GP9: variants seen among roughly 807,000 people sequenced by gnomAD.
GP9 encodes the protein glycoprotein IX platelet, also known as platelet glycoprotein IX.
For synonymous variants in GP9, 116 were observed against 116.7 expected (o/e 0.99, Z 0.04); for missense variants, 228 against 241.8 (o/e 0.94, Z 0.38).
rs765287859 is a variant in GP9, at chr3:129,062,074, G to T, written c.335G>T (p.Arg112Leu). The T allele has an allele frequency of 1.9e-6, 3 of 1,610,206 alleles. No individual in the cohort carries two copies. Among genetic ancestry groups the T allele is most frequent in the African/African-American group, 2.7e-5 (2 of 74,906 alleles). Reference protein sequence around the residue: ...DRTPEALLQVRCASPSLAAHG... With the variant: ...DRTPEALLQVLCASPSLAAHG... ...ACGCCCGAGGCCCTGCTGCAGGTCC[G>T]CTGTGCCAGCCCCAGCCTCGCTGCC... The change falls in exon 3 of 3, where the codon CGC becomes CTC. Residue 112 changes from arginine to leucine, a missense_variant. Physicochemically the swap from Arg to Leu is moderately radical, Grantham distance 102. Coordinates refer to ENST00000307395, the MANE Select transcript of GP9 (RefSeq NM_000174.5).
upstream of GP9, among the ~76,000 whole-genome samples, chr3:129,059,169 C>A (rs1946548970): frequency 6.6e-6 from 1 of 152,200 alleles, no homozygotes; most frequent in Non-Finnish European, 1.5e-5. Context: ...TAATTTCCCA[C>A]AACAAAAATC....
upstream of GP9, among the ~76,000 whole-genome samples, chr3:129,060,441 T>C (rs1946561641): frequency 6.6e-6 from 1 of 152,258 alleles, no homozygotes. Context: ...GACCGGTCAC[T>C]GCTCCCACTT....
rs141151793 is a variant in GP9, at chr3:129,062,057, G to A, written c.318G>A (p.Glu106=). The A allele has an allele frequency of 6.2e-7, 1 of 1,612,708 alleles. No individual in the cohort carries two copies. Among genetic ancestry groups the A allele is most frequent in the Admixed American group, 1.7e-5 (1 of 60,008 alleles). The change falls in exon 3 of 3, where the codon GAG becomes GAA. Residue 106 remains glutamate, a synonymous_variant. Transcript: ENST00000307395. The stretch of plus-strand genomic sequence containing the variant: ...TCTGGCTGGAGGACCGCACGCCCGA[G>A]GCCCTGCTGCAGGTCCGCTGTGCCA... ...LRLWLEDRTP[E]ALLQVRCASP...
In GP9 at chr3:129,062,232, C is replaced by G; in HGVS notation, c.493C>G (p.Leu165Val). The change falls in exon 3 of 3, where the codon CTG (leucine) becomes GTG (valine). Residue 165 changes from leucine (L) to valine (V), a missense_variant. By Grantham distance (32) the Leu-to-Val change is conservative (BLOSUM62 1). Coordinates refer to ENST00000307395, the MANE Select transcript of GP9 (RefSeq NM_000174.5). ...CGTGGCCGCGCTGGGCCTGGCTCTT[C>G]TGGCTGGCCTGCTGTGTGCCACCAC... The part of the protein sequence containing the change: ...VAVAALGLAL[L>V]AGLLCATTEA... 6.4e-7 allele frequency: 1 copy of G among 1,560,544 alleles called. No individual in the cohort carries two copies. The highest frequency in any genetic ancestry group is 1.2e-5 in the South Asian group (1 of 85,176).
chr3:129,060,829 CA>C lies in GP9; in HGVS notation c.-159del, dbSNP rs1946566765. 6.6e-6 allele frequency: 1 copy of C among 152,592 alleles called. No homozygotes were observed. The highest frequency in any genetic ancestry group is 1.5e-5 in the Non-Finnish European group (1 of 68,302). The allele number at this position is 152,592 out of a possible 1,614,324, so 9.5% of individuals were successfully genotyped here. On this transcript the variant is annotated 5_prime_UTR_variant, in exon 1 of 3. Transcript: ENST00000307395. ...CAGGACCTTTCAGGCCAGACAGGAGCACCTGACCAAAGGCTTCACAGGTAAG... is the reference window on the plus strand; with the variant it reads ...CAGGACCTTTCAGGCCAGACAGGAGCCCTGACCAAAGGCTTCACAGGTAAG...
upstream of GP9, among the ~76,000 whole-genome samples, chr3:129,057,287 G>A (rs1024420071): frequency 6.6e-6 from 1 of 152,242 alleles, no homozygotes. Flanking sequence ...GAAGGATGGA[G>A]CTGTGCCTTG....
At chr3:129,055,647 TC>T in the GP9 span, among the ~76,000 whole-genome samples, 500 of 149,510 alleles carry the variant, frequency 3.3e-3, 5 homozygotes, top group African/African-American at 0.012. Context: ...TTTCTTTCTT[TC>T]TTTTTTTTTT....
upstream of GP9, among the ~76,000 whole-genome samples, chr3:129,058,430 G>A (rs1354037178): frequency 2.6e-5 from 4 of 152,194 alleles, no homozygotes; most frequent in African/African-American, 4.8e-5. Flanking sequence ...CAGGACCCCC[G>A]GTCCCCAGCC....
chr3:129,061,767 C>T lies in GP9; in HGVS notation c.28C>T (p.Leu10Phe). Residue 10 changes from leucine (L) to phenylalanine (F), a missense_variant, in exon 3 of 3, where the codon CTC becomes TTC. Physicochemically the swap from Leu to Phe is conservative, Grantham distance 22. Coordinates refer to ENST00000307395, the MANE Select transcript of GP9 (RefSeq NM_000174.5). Reference protein sequence around the residue: MPAWGALFLLWATAEATKDC... With the variant: MPAWGALFLFWATAEATKDC... Reference sequence around the variant, plus strand: ...GCCTGCCTGGGGAGCCCTGTTCCTGCTCTGGGCCACAGCAGAGGCCACCAA... The same window carrying T: ...GCCTGCCTGGGGAGCCCTGTTCCTGTTCTGGGCCACAGCAGAGGCCACCAA... 1.2e-6 allele frequency: 2 copies of T among 1,613,038 alleles called. No individual in the cohort carries two copies. Among genetic ancestry groups the T allele is most frequent in the Non-Finnish European group, 1.7e-6 (2 of 1,179,698 alleles).
At position 129,062,173 on chromosome 3, in the gene GP9, G is replaced by A. The variant is rs571825199; in HGVS notation, c.434G>A (p.Arg145His). The A allele has an allele frequency of 1.2e-4, 194 of 1,576,504 alleles. 2 individuals carry two copies. Among genetic ancestry groups the A allele is most frequent in the South Asian group, 1.2e-3 (107 of 87,520 alleles). Residue 145 changes from arginine to histidine, a missense_variant, in exon 3 of 3, where the codon CGC becomes CAC. Transcript: ENST00000307395. ...TGGCAGCTGCAGGCGTCCTGGGTGCGCCCGGGGGTCTTGTGGGACGTGGCG... is the reference window on the plus strand; with the variant it reads ...TGGCAGCTGCAGGCGTCCTGGGTGCACCCGGGGGTCTTGTGGGACGTGGCG... ...CGWQLQASWV[R>H]PGVLWDVALV...
upstream of GP9, among the ~76,000 whole-genome samples, chr3:129,056,125 G>C (rs1312379859): frequency 4.6e-5 from 7 of 152,210 alleles, no homozygotes; most frequent in Non-Finnish European, 1.0e-4. Context: ...AGGAAACTGA[G>C]GCAGAGATAG....
At position 129,062,135 on chromosome 3, in the gene GP9, G is replaced by A; in HGVS notation, c.396G>A (p.Leu132=). ...TGGGCCGGCTGACAGGCTACCAGCTGGGCAGCTGTGGCTGGCAGCTGCAGG... is the reference window on the plus strand; with the variant it reads ...TGGGCCGGCTGACAGGCTACCAGCTAGGCAGCTGTGGCTGGCAGCTGCAGG... The part of the protein sequence containing the change: ...GPLGRLTGYQ[L]GSCGWQLQAS... The change falls in exon 3 of 3, where the codon CTG becomes CTA. Residue 132 remains leucine (L), a synonymous_variant. Coordinates refer to ENST00000307395, the MANE Select transcript of GP9 (RefSeq NM_000174.5). 6.3e-7 allele frequency: 1 copy of A among 1,590,234 alleles called. No homozygotes were observed. The highest frequency in any genetic ancestry group is 8.5e-7 in the Non-Finnish European group (1 of 1,171,018).
In GP9 at chr3:129,061,962, C is replaced by A; in HGVS notation, c.223C>A (p.Pro75Thr). 6.2e-7 allele frequency: 1 copy of A among 1,613,826 alleles called. No individual in the cohort carries two copies. ...GCCCCCGGGAGCCTTTGACCACCTG[C>A]CCCAGCTGCAGACCCTCGATGTGAC... The part of the protein sequence containing the change: ...SVPPGAFDHL[P>T]QLQTLDVTQN... Residue 75 changes from proline to threonine, a missense_variant, in exon 3 of 3, where the codon CCC becomes ACC. Coordinates refer to ENST00000307395, the MANE Select transcript of GP9 (RefSeq NM_000174.5).
chr3:129,055,159 C>T, the GP9 span, among the ~76,000 whole-genome samples: 2 of 152,194 alleles, frequency 1.3e-5, no homozygotes, highest in South Asian at 4.1e-4. Context: ...GGCTTCTGAC[C>T]TCCTGTCCTG....
chr3:129,060,332 CAGG>C (rs774268196), upstream of GP9, among the ~76,000 whole-genome samples: 26 of 152,336 alleles, frequency 1.7e-4, 3 homozygotes, highest in Admixed American at 5.9e-4. Context: ...CTTGAGTATA[CAGG>C]AGGAGGGAGG....
In GP9 at chr3:129,062,310, G is replaced by A. The variant is rs1268528414; in HGVS notation, c.*37G>A. 4.8e-6 allele frequency: 7 copies of A among 1,444,726 alleles called. No individual in the cohort carries two copies. The highest frequency in any genetic ancestry group is 2.5e-5 in the East Asian group (1 of 40,150). The allele number at this position is 1,444,726 out of a possible 1,614,324, so 89.5% of individuals were successfully genotyped here. ...AGAACCCCTGGCTCCAGGCCAGGGG[G>A]CCAGTCCCTGAGGCAGGTCCCCAGA... On this transcript the variant is annotated 3_prime_UTR_variant, in exon 3 of 3. Coordinates refer to ENST00000307395, the MANE Select transcript of GP9 (RefSeq NM_000174.5).
chr3:129,059,729 A>G (rs1002982269), upstream of GP9, among the ~76,000 whole-genome samples: 2 of 152,158 alleles, frequency 1.3e-5, no homozygotes, highest in East Asian at 3.8e-4. Context: ...GGGAGAGAAC[A>G]GGCGGCCTCC....
At chr3:129,061,093 C>T (rs1440109011) in intron 1 of GP9, among the ~76,000 whole-genome samples, 2 of 152,188 alleles carry the variant, frequency 1.3e-5, no homozygotes, top group Admixed American at 6.5e-5. Context: ...CCACGGTTGC[C>T]GAGACCCGAG....
At chr3:129,056,495 C>G (rs1946522590), upstream of GP9, among the ~76,000 whole-genome samples, 1 of 152,246 alleles carries the variant, frequency 6.6e-6, no homozygotes, top group Non-Finnish European at 1.5e-5. Context: ...AGGCTGTTTC[C>G]TTCAGCTCAG....
Sources: gnomAD v4.1 joint callset for allele counts (sites outside exome capture counted in the v4.1 genomes callset) on GRCh38, gnomAD v4.1.1 for gene constraint, MANE v1.5 for transcripts, NCBI Gene and HGNC (gene_info 2026-07-23, HGNC 2026-07-21) for gene names.